MRO: variants seen among roughly 807,000 people sequenced by gnomAD.
MRO encodes protein maestro.
Under a neutral mutation model 31.0 loss-of-function variants are expected in MRO, and 28 were observed. That is an observed-to-expected ratio of 0.90 (90% CI 0.67 to 1.24). The LOEUF (loss-of-function observed/expected upper bound fraction) is 1.24, where lower values mean the gene tolerates loss of function less well. Among genes scored for constraint, MRO ranks in the 50% most tolerant of loss-of-function variants. The pLI, the probability that MRO is intolerant of heterozygous loss-of-function variation, is 0.00. For synonymous variants in MRO, 108 were observed against 108.4 expected, an observed-to-expected ratio of 1.00 and a Z score of 0.02; for missense variants, 332 against 289.2, an observed-to-expected ratio of 1.15 and a Z score of -1.07.
upstream of MRO, chr18:50,820,158 A>C: frequency 1.6e-6 from 1 of 606,600 alleles, no homozygotes. Context: ...CCTTCCTTAC[A>C]TAATCCTGTT....
intron 2 of MRO, 108 bp from the exon 3 acceptor site, chr18:50,809,512 C>T (rs1914286281): frequency 1.5e-6 from 1 of 681,400 alleles, no homozygotes. Flanking sequence ...GGCAGCAATC[C>T]TGAGGCCTGT....
At chr18:50,801,903 C>G (rs867682196) in intron 5 of MRO, among the ~76,000 whole-genome samples, 3 of 152,132 alleles carry the variant, frequency 2.0e-5, no homozygotes, top group African/African-American at 7.2e-5. Context: ...ACTTCCTACT[C>G]CTCTCCATCA....
At chr18:50,818,333 G>T (rs1915107252) in intron 2 of MRO, among the ~76,000 whole-genome samples, 2 of 152,170 alleles carry the variant, frequency 1.3e-5, no homozygotes, top group African/African-American at 4.8e-5. Context: ...GGAAGCCAAA[G>T]ACACAGCTCT....
chr18:50,802,602 AACTGAGGGTCACAGAG>A (rs1913453518), intron 5 of MRO, among the ~76,000 whole-genome samples: 1 of 152,190 alleles, frequency 6.6e-6, no homozygotes, highest in Admixed American at 6.5e-5. Flanking sequence ...AAGCACAAAG[AACTGAGGGTCACAGAG>A]ACCCAGCAAG....
chr18:50,808,806 T>G (rs531853635), intron 3 of MRO, among the ~76,000 whole-genome samples: 43 of 151,634 alleles, frequency 2.8e-4, no homozygotes, highest in Non-Finnish European at 5.4e-4. Flanking sequence ...TATTCTCAAC[T>G]TATCTTCCTG....
chr18:50,819,574 C>T lies in MRO; in HGVS notation c.-5+7G>A. ...ATCTGGCTGCCCCGGCCAACAGTGTCCCTTACCTGCGGCTCCTGCAGGCGG... is the reference window on the plus strand; with the variant it reads ...ATCTGGCTGCCCCGGCCAACAGTGTTCCTTACCTGCGGCTCCTGCAGGCGG... On this transcript the variant is annotated splice_region_variant and intron_variant, in intron 2 of 7. Coordinates refer to ENST00000398439, the MANE Select transcript of MRO (RefSeq NM_031939.6). The T allele has an allele frequency of 1.3e-6, 2 of 1,551,646 alleles. No homozygotes were observed.
At chr18:50,800,740 G>A (rs1038251367) in intron 6 of MRO, among the ~76,000 whole-genome samples, 1 of 152,014 alleles carries the variant, frequency 6.6e-6, no homozygotes, top group African/African-American at 2.4e-5. Flanking sequence ...CAAAAAATTA[G>A]CAGGGCGTGG....
Position 50,798,627 on chromosome 18 carries a change from CA to C in MRO, c.*709del, listed in dbSNP as rs1211010352. 2.6e-5 allele frequency: 4 copies of C among 152,262 alleles called. No homozygotes were observed. The highest frequency in any genetic ancestry group is 9.6e-5 in the African/African-American group (4 of 41,544). 9.4% of individuals were successfully genotyped at this position (152,262 alleles called of 1,614,324 possible). On this transcript the variant is annotated 3_prime_UTR_variant, in exon 8 of 8. Transcript: ENST00000398439. ...TGTCGCAAGTATTAAATAGAACTTA[CA>C]AAAAGCACTTTGACCGTGCCCACTG... is the stretch of plus-strand genomic sequence containing the variant.
upstream of MRO, chr18:50,820,103 C>G (rs553450120): frequency 2.5e-6 from 2 of 784,710 alleles, no homozygotes; most frequent in Non-Finnish European, 4.2e-6. Flanking sequence ...ACTCAATGGA[C>G]GGGTTCCAGG....
chr18:50,819,739 G>C (rs1369610133), intron 1 of MRO, 37 bp from the exon 2 acceptor site: 35 of 1,547,764 alleles, frequency 2.3e-5, no homozygotes, highest in Non-Finnish European at 2.9e-5. Context: ...GGTGACGCAG[G>C]GTCTGTCCAG....
At chr18:50,803,584 T>C (rs1913623181) in intron 5 of MRO, among the ~76,000 whole-genome samples, 1 of 151,930 alleles carries the variant, frequency 6.6e-6, no homozygotes, top group Admixed American at 6.6e-5. Flanking sequence ...TTTAGAGCCA[T>C]CTCCCCGGAG....
At position 50,809,013 on chromosome 18, in the gene MRO, C is replaced by A. The variant is rs1047688827; in HGVS notation, c.99+289G>T. ...ATTAGCCGGGCGTAGTGGCGGGCGC[C>A]TGTAGTCCCAGCTACTCGGGAGGCT... On this transcript the variant is annotated intron_variant, in intron 3 of 7. Coordinates refer to ENST00000398439, the MANE Select transcript of MRO (RefSeq NM_031939.6). Among the ~76,000 whole-genome samples, 168 of 150,876 alleles carry A rather than the reference C, an allele frequency of 1.1e-3. 2 individuals carry two copies. The highest frequency in any genetic ancestry group is 7.8e-3 in the Admixed American group (118 of 15,214).
chr18:50,819,479 T>C (rs1373184998), intron 2 of MRO, 102 bp downstream of exon 2: 2 of 1,492,608 alleles, frequency 1.3e-6, no homozygotes, highest in East Asian at 4.9e-5. Flanking sequence ...CGAGCTCCCA[T>C]ACTGGTGACC....
At chr18:50,814,153 G>A (rs1182269721) in intron 2 of MRO, among the ~76,000 whole-genome samples, 1 of 152,024 alleles carries the variant, frequency 6.6e-6, no homozygotes, top group African/African-American at 2.4e-5. Context: ...GGTACAGGGA[G>A]ACTAAAAGAC....
chr18:50,797,336 C>A lies in MRO; in HGVS notation c.*2001G>T, dbSNP rs1384178239. 3.3e-5 allele frequency: 5 copies of A among 152,220 alleles called. No homozygotes were observed. Among genetic ancestry groups the A allele is most frequent in the Non-Finnish European group, 5.9e-5 (4 of 68,074 alleles). 9.4% of individuals were successfully genotyped at this position (152,220 alleles called of 1,614,324 possible). On this transcript the variant is annotated 3_prime_UTR_variant, in exon 8 of 8. Transcript: ENST00000398439. Reference sequence around the variant, plus strand: ...TCCTTATGTGGCAGCTGGCTTCCCCCACAATTCAAACGAGGAAACTGCCAG... The same window carrying A: ...TCCTTATGTGGCAGCTGGCTTCCCCAACAATTCAAACGAGGAAACTGCCAG...
At position 50,798,535 on chromosome 18, in the gene MRO, A is replaced by C. The variant is rs1912979521; in HGVS notation, c.*802T>G. ...TGAGTTATCTGGGGAAAGTTACCTA[A>C]TTTCCCTATGTGTTAGCTTTCTCAT... is the stretch of plus-strand genomic sequence containing the variant. On this transcript the variant is annotated 3_prime_UTR_variant, in exon 8 of 8. Coordinates refer to ENST00000398439, the MANE Select transcript of MRO (RefSeq NM_031939.6). 1 of 152,150 alleles carries C rather than the reference A, an allele frequency of 6.6e-6. No individual in the cohort carries two copies. The highest frequency in any genetic ancestry group is 1.5e-5 in the Non-Finnish European group (1 of 68,024). 9.4% of individuals were successfully genotyped at this position (152,150 alleles called of 1,614,324 possible).
chr18:50,819,102 A>G (rs1915165156), intron 2 of MRO, among the ~76,000 whole-genome samples: 1 of 149,140 alleles, frequency 6.7e-6, no homozygotes, highest in African/African-American at 2.5e-5. Context: ...TTCATTTTAG[A>G]AAAGAAGAAA....
chr18:50,799,967 C>CA (rs1274137307), intron 7 of MRO, 69 bp downstream of exon 7: 1 of 1,078,622 alleles, frequency 9.3e-7, no homozygotes, highest in African/African-American at 1.6e-5. Flanking sequence ...TGTGCTTGGC[C>CA]ACCTTCCGTG....
At chr18:50,803,910 G>A (rs1251315345) in intron 5 of MRO, among the ~76,000 whole-genome samples, 1 of 152,244 alleles carries the variant, frequency 6.6e-6, no homozygotes, top group Admixed American at 6.5e-5. Flanking sequence ...AGAATAACTG[G>A]CAGGCTAACT....
Sources: gnomAD v4.1 joint callset for allele counts (sites outside exome capture counted in the v4.1 genomes callset) on GRCh38, gnomAD v4.1.1 for gene constraint, MANE v1.5 for transcripts, NCBI Gene and HGNC (gene_info 2026-07-23, HGNC 2026-07-21) for gene names.